PCDHA2: variants seen among roughly 807,000 people sequenced by gnomAD.
PCDHA2 encodes the protein protocadherin alpha-2.
In PCDHA2, 58 loss-of-function variants were observed where a neutral mutation model predicts 66.0. That is an observed-to-expected ratio of 0.88 (90% CI 0.71 to 1.09). The LOEUF (loss-of-function observed/expected upper bound fraction) is 1.09. Ranked by LOEUF, PCDHA2 falls within the 50% of genes least tolerant of loss-of-function variation. The pLI, the probability that PCDHA2 is intolerant of heterozygous loss-of-function variation, is 0.00. For synonymous variants in PCDHA2, 634 were observed against 554.0 expected (o/e 1.14, Z -2.03); for missense variants, 1,267 against 1,242.3 (o/e 1.02, Z -0.30).
chr5:140,885,516 T>C (rs1235698672), intron 1 of PCDHA2, among the ~76,000 whole-genome samples: 1 of 152,198 alleles, frequency 6.6e-6, no homozygotes, highest in South Asian at 2.1e-4. Context: ...TGCTGTGCTA[T>C]CATTTCATAT....
At chr5:140,826,341 C>G (rs2150143506) in intron 1 of PCDHA2, among the ~76,000 whole-genome samples, 21 of 152,068 alleles carry the variant, frequency 1.4e-4, no homozygotes, top group South Asian at 6.2e-4. Flanking sequence ...GAAATTGAAC[C>G]CTTTGTTTGC....
At chr5:140,914,997 G>A (rs548148626) in intron 1 of PCDHA2, among the ~76,000 whole-genome samples, 43 of 148,264 alleles carry the variant, frequency 2.9e-4, no homozygotes, top group African/African-American at 1.0e-3. Flanking sequence ...CCAGGCTGGA[G>A]TGCAGTGGCC....
intron 1 of PCDHA2, among the ~76,000 whole-genome samples, chr5:140,946,411 A>G (rs1554217552): frequency 1.1e-4 from 16 of 151,766 alleles, no homozygotes. Context: ...ATCATAGAAA[A>G]CAATATGGAG....
intron 1 of PCDHA2, chr5:140,802,904 G>A: frequency 6.2e-7 from 1 of 1,613,806 alleles, no homozygotes; most frequent in Non-Finnish European, 8.5e-7. Context: ...TGATGCCTCG[G>A]GTGGGTGGCA....
In PCDHA2 at chr5:141,010,093, T is replaced by A. The variant is rs2098416026; in HGVS notation, c.*156T>A. On this transcript the variant is annotated 3_prime_UTR_variant, in exon 4 of 4. Transcript: ENST00000526136. The stretch of plus-strand genomic sequence containing the variant: ...TTCCCTGTGTCTGTCTAGAACGCAT[T>A]TAACAGGTTTTGTCGTAAAAGCTTT... 4 of 1,612,692 alleles carry A rather than the reference T, an allele frequency of 2.5e-6. No homozygotes were observed. Among genetic ancestry groups the A allele is most frequent in the Non-Finnish European group, 3.4e-6 (4 of 1,179,392 alleles).
intron 1 of PCDHA2, chr5:140,854,176 A>AAT: frequency 1.5e-6 from 1 of 663,712 alleles, no homozygotes; most frequent in Non-Finnish European, 1.9e-6. Flanking sequence ...AAAAAAAAAA[A>AAT]GAGTAGTTTA....
chr5:140,997,817 A>G (rs570760153), intron 3 of PCDHA2, among the ~76,000 whole-genome samples: 2 of 152,306 alleles, frequency 1.3e-5, no homozygotes, highest in South Asian at 4.1e-4. Flanking sequence ...GTTGGTATCT[A>G]TGTTTTCTAA....
intron 1 of PCDHA2, among the ~76,000 whole-genome samples, chr5:140,964,843 T>C (rs1229980696): frequency 6.6e-6 from 1 of 152,162 alleles, no homozygotes; most frequent in African/African-American, 2.4e-5. Flanking sequence ...TCCTACTCTG[T>C]ACCCTTGAGG....
intron 1 of PCDHA2, chr5:140,813,694 C>CA (rs1765363147): frequency 1.3e-5 from 2 of 152,120 alleles, no homozygotes; most frequent in African/African-American, 4.8e-5. Context: ...CTCAATTTAT[C>CA]AAAAAATTTT....
At chr5:140,863,259 G>T in intron 1 of PCDHA2, 1 of 1,448,654 alleles carries the variant, frequency 6.9e-7, no homozygotes. Context: ...TCGAGGTCCG[G>T]GAGGCAGCGC....
At chr5:140,807,236 T>C (rs1763867080) in intron 1 of PCDHA2, 1 of 1,614,204 alleles carries the variant, frequency 6.2e-7, no homozygotes, top group Non-Finnish European at 8.5e-7. Context: ...TCTGCTGCTC[T>C]TACTTCTTCT....
chr5:140,906,930 G>A (rs1006674722), intron 1 of PCDHA2, among the ~76,000 whole-genome samples: 3 of 152,246 alleles, frequency 2.0e-5, no homozygotes, highest in Non-Finnish European at 4.4e-5. Flanking sequence ...AAAGTGTCCC[G>A]GTGTCAATCT....
chr5:140,913,569 A>G (rs1554195984), intron 1 of PCDHA2, among the ~76,000 whole-genome samples: 1 of 151,952 alleles, frequency 6.6e-6, no homozygotes, highest in Non-Finnish European at 1.5e-5. Flanking sequence ...TATTTTCATC[A>G]TTTCAAATAT....
intron 1 of PCDHA2, chr5:140,928,156 T>G (rs1554205560): frequency 6.2e-7 from 1 of 1,614,188 alleles, no homozygotes; most frequent in East Asian, 2.2e-5. Context: ...AGATAGTGGC[T>G]CACCCCCACT....
Position 140,796,636 on chromosome 5 carries a change from G to A in PCDHA2, c.1672G>A (p.Glu558Lys), listed in dbSNP as rs1355078220. Residue 558 changes from glutamate to lysine, a missense_variant, in exon 1 of 4, where the codon GAG (glutamate) becomes AAG (lysine). Coordinates refer to ENST00000526136, the MANE Select transcript of PCDHA2 (RefSeq NM_018905.3). ...GACGCTGCAGGTGTTCGTGCTGGAC[G>A]AGAACGACAACGCGCCGGCACTGTT... is the stretch of plus-strand genomic sequence containing the variant. ...NVTLQVFVLDENDNAPALLAP... is the reference protein window; with the variant it reads ...NVTLQVFVLDKNDNAPALLAP... 1.9e-6 allele frequency: 3 copies of A among 1,613,770 alleles called. No homozygotes were observed. The highest frequency in any genetic ancestry group is 2.2e-5 in the South Asian group (2 of 91,068).
At position 140,835,650 on chromosome 5, in the gene PCDHA2, C is replaced by T. The variant is rs2150240759; in HGVS notation, c.2388+38298C>T. The T allele has an allele frequency of 2.2e-5, 35 of 1,613,820 alleles. 1 individual carries two copies. The highest frequency in any genetic ancestry group is 2.2e-4 in the Admixed American group (13 of 59,994). On this transcript the variant is annotated intron_variant, in intron 1 of 3. Coordinates refer to ENST00000526136, the MANE Select transcript of PCDHA2 (RefSeq NM_018905.3). ...CCGCGAGAGTGTGTCCGCCTATGAG[C>T]TGGTGGTTACCGCGCGGGACGGGGG...
At chr5:140,871,172 C>A in intron 1 of PCDHA2, 1 of 1,613,546 alleles carries the variant, frequency 6.2e-7, no homozygotes, top group South Asian at 1.1e-5. Context: ...AGCCCAGAGG[C>A]TGCGCTGGTG....
At chr5:140,926,190 ACTT>A (rs1468050055) in intron 1 of PCDHA2, among the ~76,000 whole-genome samples, 2 of 151,766 alleles carry the variant, frequency 1.3e-5, no homozygotes, top group South Asian at 2.2e-4. Flanking sequence ...CCCCCGCAGC[ACTT>A]CTTTCGGGGG....
At chr5:140,986,532 C>G (rs1298199477) in intron 3 of PCDHA2, among the ~76,000 whole-genome samples, 2 of 152,184 alleles carry the variant, frequency 1.3e-5, no homozygotes, top group Non-Finnish European at 2.9e-5. Context: ...GGGAACTGGC[C>G]TGGCTTCAGT....
Sources: allele counts gnomAD v4.1 joint callset (sites outside exome capture counted in the v4.1 genomes callset), GRCh38; gene constraint gnomAD v4.1.1; transcripts MANE v1.5; gene names NCBI Gene and HGNC (gene_info 2026-07-23, HGNC 2026-07-21).